Variants in ELOA observed in about 807,000 individuals in gnomAD.
ELOA encodes the protein elongin A, also known as elongin-A.
ELOA carries 15 observed loss-of-function variants against 85.2 expected under a neutral mutation model. The ratio of observed to expected loss-of-function variants is 0.18; its 90% CI spans 0.12 to 0.27. The LOEUF is 0.27. ELOA is among the 10% of genes least tolerant of loss of function. ELOA has a pLI of 1.00. For synonymous variants in ELOA, 348 were observed against 357.2 expected, an observed-to-expected ratio of 0.97 and a Z score of 0.29; for missense variants, 769 against 952.7, an observed-to-expected ratio of 0.81 and a Z score of 2.54.
intron 7 of ELOA, among the ~76,000 whole-genome samples, chr1:23,754,898 G>C (rs916271990): frequency 2.6e-5 from 4 of 151,508 alleles, no homozygotes; most frequent in Non-Finnish European, 5.9e-5. Flanking sequence ...GATTGCATCA[G>C]CTGTCTCTCT....
rs145432831 is a variant in ELOA at position 23,757,119 on chromosome 1, G to C, written c.2251G>C (p.Val751Leu). 4.6e-5 allele frequency: 72 copies of C among 1,550,690 alleles called. No homozygotes were observed. In the African/African-American group the frequency reaches 8.6e-4, roughly 19 times the overall value. Residue 751 changes from valine to leucine, a missense_variant, in exon 10 of 11, where the codon GTG (valine) becomes CTG (leucine). Physicochemically the swap from Val to Leu is conservative, Grantham distance 32. Around this residue, in one of 4 missense-constraint regions of ELOA, gnomAD observed 116 missense variants for 141.0 expected, o/e 0.82. Transcript: ENST00000613537. ...TTCCTATGATCCTAGGAAACCCACT[G>C]TGAAGAGTAAGTAACTTGGAGTTCC... The part of the protein sequence containing the change: ...TVSYDPRKPT[V>L]KKIAPMMAKT...
At position 23,749,883 on chromosome 1, in the gene ELOA, C is replaced by T. The variant is rs774528073; in HGVS notation, c.174C>T (p.His58=). Reference sequence around the variant, plus strand: ...AAACAGTAAATAGCTTGCGAAAACACGAGCATGTTGGAAGCTTTGCCAGGG... The same window carrying T: ...AAACAGTAAATAGCTTGCGAAAACATGAGCATGTTGGAAGCTTTGCCAGGG... ...VGKTVNSLRK[H]EHVGSFARDL... Residue 58 remains histidine (H), a synonymous_variant, in exon 3 of 11, where the codon CAC becomes CAT. Coordinates refer to ENST00000613537, the MANE Select transcript of ELOA (RefSeq NM_003198.3). 18 of 1,613,788 alleles carry T rather than the reference C, an allele frequency of 1.1e-5. No individual in the cohort carries two copies. Among genetic ancestry groups the T allele is most frequent in the East Asian group, 2.2e-5 (1 of 44,884 alleles).
chr1:23,749,946 A>G lies in ELOA; in HGVS notation c.237A>G (p.Glu79=). ...VAQWKKLVPV[E]RNAEPDEQDF... is the part of the protein sequence containing the mutation. The stretch of plus-strand genomic sequence containing the variant: ...AGTGGAAGAAGCTGGTTCCTGTGGA[A>G]CGGTAAGAACATTTCTCTTTAGGTT... The change falls in exon 3 of 11, where the codon GAA becomes GAG. Residue 79 remains glutamate, a splice_region_variant and synonymous_variant. Coordinates refer to ENST00000613537, the MANE Select transcript of ELOA (RefSeq NM_003198.3). The G allele has an allele frequency of 1.9e-6, 3 of 1,612,456 alleles. No individual in the cohort carries two copies. The highest frequency in any genetic ancestry group is 2.5e-6 in the Non-Finnish European group (3 of 1,178,896).
At chr1:23,750,152 G>A (rs1383140787) in intron 3 of ELOA, among the ~76,000 whole-genome samples, 2 of 144,406 alleles carry the variant, frequency 1.4e-5, no homozygotes, top group Admixed American at 1.4e-4. Context: ...CAAACGTTAT[G>A]AACATTTTGG....
In ELOA at chr1:23,757,052, C is replaced by G. The variant is rs2148388449; in HGVS notation, c.2184C>G (p.Ser728Arg). 1.9e-6 allele frequency: 3 copies of G among 1,611,050 alleles called. No individual in the cohort carries two copies. In the East Asian group the frequency reaches 6.7e-5, roughly 36 times the overall value. Reference protein sequence around the residue: ...SPEEPAYDGPSTSSAHLAPVV... With the variant: ...SPEEPAYDGPRTSSAHLAPVV... ...AGGAGCCGGCCTATGATGGCCCAAG[C>G]ACCAGCAGTGCCCACTTGGCACCAG... Residue 728 changes from serine to arginine, a missense_variant, in exon 10 of 11, where the codon AGC (serine) becomes AGG (arginine). Ser to Arg is a moderately radical substitution (Grantham distance 110). Transcript: ENST00000613537.
chr1:23,746,160 G>C (rs979157345), intron 1 of ELOA, among the ~76,000 whole-genome samples: 1 of 150,306 alleles, frequency 6.7e-6, no homozygotes, highest in South Asian at 2.1e-4. Flanking sequence ...GTGGTGGCAG[G>C]CGCCTGTAAT....
chr1:23,750,267 C>T (rs1011256644), intron 3 of ELOA, among the ~76,000 whole-genome samples: 1 of 148,414 alleles, frequency 6.7e-6, no homozygotes, highest in African/African-American at 2.5e-5. Context: ...GCTCCGCCTC[C>T]CAGGTTCACG....
At chr1:23,755,725 A>G (rs1644791315) in intron 7 of ELOA, 118 bp from the exon 8 acceptor site, 1 of 1,015,250 alleles carries the variant, frequency 9.8e-7, no homozygotes. Flanking sequence ...GGTTGCAGTG[A>G]ACCAAAATTG....
rs1638288000 is a variant in ELOA at position 23,761,122 on chromosome 1, T to C, written c.*1549T>C. ...AAGTCTATTCAGCAGAAACTCGACATTGTTCAGTGTGTATTGCTGTGCAGG... is the reference window on the plus strand; with the variant it reads ...AAGTCTATTCAGCAGAAACTCGACACTGTTCAGTGTGTATTGCTGTGCAGG... On this transcript the variant is annotated 3_prime_UTR_variant, in exon 11 of 11. Coordinates refer to ENST00000613537, the MANE Select transcript of ELOA (RefSeq NM_003198.3). The C allele has an allele frequency of 6.6e-6, 1 of 152,186 alleles. No individual in the cohort carries two copies. Among genetic ancestry groups the C allele is most frequent in the South Asian group, 2.1e-4 (1 of 4,828 alleles). 9.4% of individuals were successfully genotyped at this position (152,186 alleles called of 1,614,324 possible).
intron 1 of ELOA, among the ~76,000 whole-genome samples, chr1:23,743,840 T>C (rs1644734319): frequency 6.6e-6 from 1 of 152,088 alleles, no homozygotes; most frequent in African/African-American, 2.4e-5. Flanking sequence ...ACCGCGTGCC[T>C]AGCGCTTCCT....
Position 23,757,146 on chromosome 1 carries a change from G to A in ELOA, c.2257+21G>A, listed in dbSNP as rs774233866. On this transcript the variant is annotated intron_variant, in intron 10 of 10. Transcript: ENST00000613537. ...GAAGAGTAAGTAACTTGGAGTTCCT[G>A]CTCAAATATTATTTCAGCACTAGTT... is the stretch of plus-strand genomic sequence containing the variant. 1.6e-5 allele frequency: 25 copies of A among 1,519,884 alleles called. No individual in the cohort carries two copies. The South Asian group carries it at 3.2e-4, about 20-fold the overall frequency. 94.1% of individuals were successfully genotyped at this position (1,519,884 alleles called of 1,614,324 possible).
chr1:23,758,915 G>A (rs1638251668), intron 10 of ELOA, among the ~76,000 whole-genome samples: 1 of 152,174 alleles, frequency 6.6e-6, no homozygotes, highest in South Asian at 2.1e-4. Context: ...TTAGAGTCTG[G>A]CAAGGGCCGG....
At chr1:23,756,137 G>T (rs1169029343) in intron 8 of ELOA, 114 bp downstream of exon 8, 2 of 1,459,678 alleles carry the variant, frequency 1.4e-6, no homozygotes, top group South Asian at 2.7e-5. Flanking sequence ...TCAGGTAGCA[G>T]GGTGGGTATT....
intron 3 of ELOA, 60 bp downstream of exon 3, chr1:23,750,008 GTT>G: frequency 7.2e-7 from 1 of 1,380,738 alleles, no homozygotes. Flanking sequence ...GATAGAAAAG[GTT>G]TTCTTTATTA....
intron 3 of ELOA, 128 bp from the exon 4 acceptor site, chr1:23,750,717 T>C (rs1004374214): frequency 1.9e-5 from 16 of 847,888 alleles, no homozygotes; most frequent in Admixed American, 1.0e-4. Flanking sequence ...AACCTACTTA[T>C]CTTCTTCTTA....
intron 1 of ELOA, 98 bp downstream of exon 1, chr1:23,743,676 C>A: frequency 7.6e-7 from 1 of 1,308,940 alleles, no homozygotes; most frequent in Non-Finnish European, 9.9e-7. Flanking sequence ...GGGCTGGGAC[C>A]CTGAGCCAGG....
In ELOA at chr1:23,751,057, G is replaced by A; in HGVS notation, c.452G>A (p.Arg151Lys). The stretch of plus-strand genomic sequence containing the variant: ...CACAAAGTGTCTCACGGTCATGAGA[G>A]GAGAGATGAGAGAAAGAGGTGTCAC... ...RPHKVSHGHE[R>K]RDERKRCHRM... The change falls in exon 4 of 11, where the codon AGG becomes AAG. Residue 151 changes from arginine (R) to lysine (K), a missense_variant. By Grantham distance (26) the Arg-to-Lys change is conservative (BLOSUM62 2). This residue lies in a region of ELOA where 440 missense variants were observed against 474.0 expected (regional missense o/e 0.93). Transcript: ENST00000613537. 3 of 1,614,102 alleles carry A rather than the reference G, an allele frequency of 1.9e-6. No homozygotes were observed. Among genetic ancestry groups the A allele is most frequent in the Non-Finnish European group, 1.7e-6 (2 of 1,180,028 alleles).
At chr1:23,758,259 ATTTTTTTTTTTTTT>A (rs1162019928) in intron 10 of ELOA, among the ~76,000 whole-genome samples, 43 of 41,954 alleles carry the variant, frequency 1.0e-3, no homozygotes, top group African/African-American at 4.0e-3. Context: ...TTATTTATTT[ATTTTTTTTTTTTTT>A]TTTTTTTTTT....
chr1:23,758,247 A>ATTTTT lies in ELOA; in HGVS notation c.2257+1125_2257+1126insTTTTT, dbSNP rs1338294015. Among the ~76,000 whole-genome samples, 9 of 56,784 alleles carry ATTTTT rather than the reference A, an allele frequency of 1.6e-4. 1 individual carries two copies. The highest frequency in any genetic ancestry group is 4.1e-4 in the African/African-American group (7 of 16,888). The allele number at this position is 56,784 out of a possible 152,430, so 37.3% of individuals were successfully genotyped here. On this transcript the variant is annotated intron_variant, in intron 10 of 10. Transcript: ENST00000613537. Reference sequence around the variant, plus strand: ...TCTTTATATCTAATTGGGTCTTCCAATTTATTTATTTATTTTTTTTTTTTT... The same window carrying ATTTTT: ...TCTTTATATCTAATTGGGTCTTCCAATTTTTTTTATTTATTTATTTTTTTTTTTTT...
Sources: allele counts gnomAD v4.1 joint callset (sites outside exome capture counted in the v4.1 genomes callset), GRCh38; gene constraint gnomAD v4.1.1; regional missense constraint gnomAD v4.1.1; transcripts MANE v1.5; gene names NCBI Gene and HGNC (gene_info 2026-07-23, HGNC 2026-07-21).